Variants in RSRC1 observed in about 807,000 individuals in gnomAD.
RSRC1 encodes serine/Arginine-related protein 53.
RSRC1 carries 39 observed loss-of-function variants against 49.1 expected under a neutral mutation model. The observed-to-expected ratio is 0.79, with a 90% CI of 0.61 to 1.04. The LOEUF is 1.04. Ranked by LOEUF, RSRC1 falls within the 50% of genes least tolerant of loss-of-function variation. The pLI, the probability that RSRC1 is intolerant of heterozygous loss-of-function variation, is 0.00. For missense variants in RSRC1, 388 were observed against 402.4 expected (o/e 0.96, Z 0.31); for synonymous variants, 143 against 130.8 (o/e 1.09, Z -0.63).
intron 7 of RSRC1, among the ~76,000 whole-genome samples, chr3:158,492,037 G>C (rs2108448387): frequency 6.6e-6 from 1 of 152,238 alleles, no homozygotes; most frequent in East Asian, 1.9e-4. Context: ...CCACATGGCT[G>C]GGGGAGGCCT....
rs184585502 is a variant in RSRC1 at position 158,285,541 on chromosome 3, A to G, written c.495-12498A>G. On this transcript the variant is annotated intron_variant, in intron 4 of 9. Coordinates refer to ENST00000611884, the MANE Select transcript of RSRC1 (RefSeq NM_001271838.2). ...ACCCATGAGCATGGAATGTTCTTCC[A>G]TTTCTTTGTATCCTCTTTTATTTCA... 1.5e-3 allele frequency among the ~76,000 whole-genome samples: 224 copies of G among 152,180 alleles called. 1 individual carries two copies. The highest frequency in any genetic ancestry group is 5.2e-3 in the African/African-American group (217 of 41,504).
chr3:158,127,756 G>GTTTTTTTTTTTTTTTTTTTTTTGT (rs34766107), intron 3 of RSRC1, among the ~76,000 whole-genome samples: 1 of 81,240 alleles, frequency 1.2e-5, no homozygotes, highest in Non-Finnish European at 2.3e-5. Context: ...CTGCTTTGTG[G>GTTTTTTTTTTTTTTTTTTTTTTGT]TTTTTTTTTT....
At chr3:158,414,073 T>G (rs1734611984) in intron 6 of RSRC1, among the ~76,000 whole-genome samples, 1 of 152,182 alleles carries the variant, frequency 6.6e-6, no homozygotes, top group Non-Finnish European at 1.5e-5. Context: ...GGAATATAAA[T>G]TATTCTCTTA....
intron 6 of RSRC1, among the ~76,000 whole-genome samples, chr3:158,434,332 A>C (rs562416800): frequency 1.3e-5 from 2 of 152,100 alleles, no homozygotes; most frequent in South Asian, 2.1e-4. Flanking sequence ...CTTTATTTAC[A>C]GTGTCTTCCC....
intron 7 of RSRC1, among the ~76,000 whole-genome samples, chr3:158,486,220 A>C (rs1436478325): frequency 6.6e-6 from 1 of 152,166 alleles, no homozygotes; most frequent in African/African-American, 2.4e-5. Context: ...GATAAATCAC[A>C]TTCTAATGTC....
chr3:158,471,976 T>G (rs1387567139), intron 7 of RSRC1, among the ~76,000 whole-genome samples: 1 of 152,254 alleles, frequency 6.6e-6, no homozygotes, highest in South Asian at 2.1e-4. Flanking sequence ...AAATACTTTA[T>G]GTAAACAGAG....
intron 5 of RSRC1, among the ~76,000 whole-genome samples, chr3:158,320,423 CTATTT>C (rs1357741926): frequency 5.9e-5 from 9 of 152,036 alleles, no homozygotes; most frequent in East Asian, 3.9e-4. Flanking sequence ...TTGACATTGC[CTATTT>C]TATTTTATCT....
At chr3:158,345,277 G>A (rs1207182159) in intron 5 of RSRC1, among the ~76,000 whole-genome samples, 2 of 151,814 alleles carry the variant, frequency 1.3e-5, no homozygotes, top group African/African-American at 4.8e-5. Context: ...AAATTGCAAT[G>A]TGGTAGATTA....
intron 3 of RSRC1, among the ~76,000 whole-genome samples, chr3:158,161,385 A>C (rs1718208353): frequency 6.6e-6 from 1 of 152,246 alleles, no homozygotes; most frequent in African/African-American, 2.4e-5. Context: ...GTCCTCTGCT[A>C]AATGTCACTT....
intron 6 of RSRC1, among the ~76,000 whole-genome samples, chr3:158,370,085 G>T (rs1731982692): frequency 2.6e-5 from 4 of 151,610 alleles, no homozygotes; most frequent in South Asian, 4.2e-4. Context: ...TCCTATTTTG[G>T]TTTTACCAAA....
intron 7 of RSRC1, among the ~76,000 whole-genome samples, chr3:158,518,596 G>A (rs1740737571): frequency 6.6e-6 from 1 of 151,890 alleles, no homozygotes; most frequent in Admixed American, 6.6e-5. Flanking sequence ...CATAATCTGG[G>A]AAACAGAAGT....
At chr3:158,122,333 G>A in intron 2 of RSRC1, 35 bp downstream of exon 2, 1 of 1,318,708 alleles carries the variant, frequency 7.6e-7, no homozygotes, top group Non-Finnish European at 1.0e-6. Context: ...ATAGTAATGA[G>A]GATAACATTC....
In RSRC1 at chr3:158,287,149, AAGACTTAAT is replaced by A. The variant is rs1726618620; in HGVS notation, c.495-10887_495-10879del. Among the ~76,000 whole-genome samples the A allele has an allele frequency of 2.0e-5, 3 of 152,150 alleles. No individual in the cohort carries two copies. The South Asian group carries it at 6.2e-4, about 32-fold the overall frequency. ...CCTTTTCCCTCAGTTTTAACAGCTA[AAGACTTAAT>A]AGGATATATTTATGACCTTCTATTT... On this transcript the variant is annotated intron_variant, in intron 4 of 9. Coordinates refer to ENST00000611884, the MANE Select transcript of RSRC1 (RefSeq NM_001271838.2).
intron 3 of RSRC1, among the ~76,000 whole-genome samples, chr3:158,194,491 CTTTTTT>C (rs368635096): frequency 7.9e-6 from 1 of 126,570 alleles, no homozygotes; most frequent in Non-Finnish European, 1.7e-5. Flanking sequence ...CTTTGAGATT[CTTTTTT>C]TTTTTTTTTT....
chr3:158,230,179 T>G (rs1442205105), intron 4 of RSRC1, among the ~76,000 whole-genome samples: 2 of 152,126 alleles, frequency 1.3e-5, no homozygotes. Context: ...CAATTTGGGT[T>G]TGTCTAATGT....
At chr3:158,230,070 A>G (rs1722866464) in intron 4 of RSRC1, among the ~76,000 whole-genome samples, 1 of 151,914 alleles carries the variant, frequency 6.6e-6, no homozygotes, top group Non-Finnish European at 1.5e-5. Flanking sequence ...ATGTCTTTTT[A>G]AGTTTCCTTT....
chr3:158,414,564 T>A (rs2108327112), intron 6 of RSRC1, among the ~76,000 whole-genome samples: 1 of 152,102 alleles, frequency 6.6e-6, no homozygotes, highest in Middle Eastern at 3.4e-3. Context: ...ATTAAATTAT[T>A]ATTTTTTTAA....
intron 6 of RSRC1, among the ~76,000 whole-genome samples, chr3:158,357,047 A>C (rs1731199237): frequency 6.6e-6 from 1 of 152,198 alleles, no homozygotes; most frequent in Admixed American, 6.5e-5. Flanking sequence ...CAAGTTAAAA[A>C]ATTTATTTTG....
chr3:158,407,485 A>G (rs909879641), intron 6 of RSRC1, among the ~76,000 whole-genome samples: 1 of 152,188 alleles, frequency 6.6e-6, no homozygotes, highest in Non-Finnish European at 1.5e-5. Context: ...CATTTGGCTA[A>G]TAGACTCATA....
Sources: allele counts gnomAD v4.1 joint callset (sites outside exome capture counted in the v4.1 genomes callset), GRCh38; gene constraint gnomAD v4.1.1; transcripts MANE v1.5; gene names NCBI Gene and HGNC (gene_info 2026-07-23, HGNC 2026-07-21).